Variants in TUBGCP3 observed in about 807,000 individuals in gnomAD.
The protein encoded by TUBGCP3 is tubulin gamma complex component 3, also known as gamma-tubulin complex component 3.
Under a neutral mutation model 123.1 loss-of-function variants are expected in TUBGCP3, and 50 were observed. That is an observed-to-expected ratio of 0.41 (90% CI 0.32 to 0.51). The LOEUF (loss-of-function observed/expected upper bound fraction) is 0.51, where lower values mean the gene tolerates loss of function less well. Among genes scored for constraint, TUBGCP3 ranks in the 20% least tolerant of loss-of-function variants. The pLI, the probability that TUBGCP3 is intolerant of heterozygous loss-of-function variation, is 0.36. For synonymous variants in TUBGCP3, 405 were observed against 413.9 expected (o/e 0.98, Z 0.26); for missense variants, 882 against 1,127.0 (o/e 0.78, Z 3.11).
chr13:112,516,622 TC>T, intron 16 of TUBGCP3, 47 bp from the exon 17 acceptor site: 1 of 1,598,186 alleles, frequency 6.3e-7, no homozygotes, highest in Non-Finnish European at 8.5e-7. Context: ...CACGTAAGAA[TC>T]CTCTCAGTAC....
intron 7 of TUBGCP3, 133 bp from the exon 8 acceptor site, chr13:112,554,315 C>G (rs907030779): frequency 3.6e-6 from 4 of 1,097,576 alleles, no homozygotes; most frequent in Non-Finnish European, 5.1e-6. Context: ...AAACTAAGAT[C>G]CCATCACTAA....
rs1350826115 is a variant in TUBGCP3 at position 112,511,270 on chromosome 13, C to T, written c.2086+5170G>A. On this transcript the variant is annotated intron_variant, in intron 17 of 21. Transcript: ENST00000261965. This position sits in a 1 kb window ranked among gnomAD's most constrained non-coding sequence, Gnocchi z 4.1. ...ACAGGGCACTGCTGGCCCGCGGGCACCTGCCTTTCCTGGTAAGATAAAATC... is the reference window on the plus strand; with the variant it reads ...ACAGGGCACTGCTGGCCCGCGGGCATCTGCCTTTCCTGGTAAGATAAAATC... 6.6e-6 allele frequency among the ~76,000 whole-genome samples: 1 copy of T among 152,176 alleles called. No homozygotes were observed. The highest frequency in any genetic ancestry group is 1.5e-5 in the Non-Finnish European group (1 of 68,030).
intron 8 of TUBGCP3, among the ~76,000 whole-genome samples, chr13:112,551,078 G>A (rs1338796294): frequency 6.6e-6 from 1 of 151,864 alleles, no homozygotes; most frequent in Non-Finnish European, 1.5e-5. Flanking sequence ...CAGCCTGGGT[G>A]ACAGAGCGAG....
At chr13:112,544,261 G>A (rs1011579730) in intron 11 of TUBGCP3, among the ~76,000 whole-genome samples, 2 of 152,000 alleles carry the variant, frequency 1.3e-5, no homozygotes, top group African/African-American at 2.4e-5. Flanking sequence ...AGACCATCCT[G>A]GCTAACACAG....
intron 11 of TUBGCP3, among the ~76,000 whole-genome samples, chr13:112,537,770 A>C (rs1447000761): frequency 6.6e-6 from 1 of 152,200 alleles, no homozygotes; most frequent in Non-Finnish European, 1.5e-5. Flanking sequence ...CGGCTCCTGC[A>C]CTTTTCTTTG....
intron 1 of TUBGCP3, among the ~76,000 whole-genome samples, chr13:112,578,007 G>A (rs571984897): frequency 3.3e-5 from 5 of 152,298 alleles, no homozygotes; most frequent in African/African-American, 7.2e-5. Context: ...AGAAGCTGAG[G>A]CAGGGCTTGC....
chr13:112,534,799 A>C (rs928793877), intron 11 of TUBGCP3, among the ~76,000 whole-genome samples: 10 of 152,162 alleles, frequency 6.6e-5, no homozygotes, highest in Non-Finnish European at 1.2e-4. Context: ...ACATAATATA[A>C]AAGTCACCAT....
intron 1 of TUBGCP3, among the ~76,000 whole-genome samples, chr13:112,578,410 T>A (rs372557460): frequency 1.3e-5 from 2 of 149,430 alleles, no homozygotes; most frequent in African/African-American, 5.0e-5. Context: ...ATACAAAAAA[T>A]TAGCCGGGCG....
chr13:112,544,670 T>A (rs1374826025), intron 11 of TUBGCP3: 2 of 151,908 alleles, frequency 1.3e-5, no homozygotes, highest in African/African-American at 4.8e-5. Flanking sequence ...TGTGAAATAA[T>A]ATGCAGTAAT....
At chr13:112,572,528 G>C (rs1022654619) in intron 1 of TUBGCP3, among the ~76,000 whole-genome samples, 1 of 151,810 alleles carries the variant, frequency 6.6e-6, no homozygotes, top group African/African-American at 2.4e-5. Context: ...TTGGTTTTCT[G>C]TTGATCACTA....
chr13:112,569,324 T>C, intron 1 of TUBGCP3, 65 bp from the exon 2 acceptor site: 1 of 1,501,648 alleles, frequency 6.7e-7, no homozygotes, highest in South Asian at 1.1e-5. Flanking sequence ...ACCTGAAGCT[T>C]CCAGTTCAAG....
chr13:112,578,513 A>G (rs1026033587), intron 1 of TUBGCP3, among the ~76,000 whole-genome samples: 4 of 129,086 alleles, frequency 3.1e-5, no homozygotes, highest in African/African-American at 1.2e-4. Context: ...GAGCCGGGAT[A>G]GCGCCACTGC....
chr13:112,544,181 C>A (rs192325161), intron 11 of TUBGCP3, among the ~76,000 whole-genome samples: 1 of 151,960 alleles, frequency 6.6e-6, no homozygotes, highest in African/African-American at 2.4e-5. Flanking sequence ...AGGCCGGGCG[C>A]AGTGGCTCAC....
At chr13:112,515,171 T>C (rs1201637457) in intron 17 of TUBGCP3, among the ~76,000 whole-genome samples, 6 of 152,126 alleles carry the variant, frequency 3.9e-5, no homozygotes, top group Non-Finnish European at 7.3e-5. Context: ...GAAGAGCAAA[T>C]TGATACAGAC....
intron 1 of TUBGCP3, chr13:112,584,134 T>C (rs1212815045): frequency 6.6e-6 from 1 of 152,254 alleles, no homozygotes; most frequent in East Asian, 1.9e-4. Context: ...GCGATTCCAA[T>C]GCATGGCTCT....
At chr13:112,551,239 C>T (rs974412830) in intron 8 of TUBGCP3, among the ~76,000 whole-genome samples, 2 of 152,228 alleles carry the variant, frequency 1.3e-5, no homozygotes, top group Admixed American at 1.3e-4. Flanking sequence ...GCAGGCAGAG[C>T]GCGGCAGCGC....
chr13:112,555,965 G>A, intron 6 of TUBGCP3, 87 bp downstream of exon 6: 1 of 1,406,602 alleles, frequency 7.1e-7, no homozygotes, highest in Non-Finnish European at 9.6e-7. Flanking sequence ...GGTTTGAGGT[G>A]GGGCTCCTGG....
Position 112,524,525 on chromosome 13 carries a change from G to A in TUBGCP3, c.1556-2016C>T, listed in dbSNP as rs989192587. Among the ~76,000 whole-genome samples, 2 of 152,202 alleles carry A rather than the reference G, an allele frequency of 1.3e-5. No homozygotes were observed. The highest frequency in any genetic ancestry group is 2.9e-5 in the Non-Finnish European group (2 of 68,040). On this transcript the variant is annotated intron_variant, in intron 13 of 21. Transcript: ENST00000261965. This position sits in a 1 kb window ranked among gnomAD's most constrained non-coding sequence, Gnocchi z 4.4. ...CAACTCGAACACAACTGCTCTCCTG[G>A]TTCTTCTTCCTTCCACCTCTTCAGT...
At chr13:112,516,805 T>G (rs1876172055) in intron 16 of TUBGCP3, among the ~76,000 whole-genome samples, 1 of 152,158 alleles carries the variant, frequency 6.6e-6, no homozygotes. Context: ...TCAATCCATT[T>G]TAGACTAGTC....
Sources: allele counts gnomAD v4.1 joint callset (sites outside exome capture counted in the v4.1 genomes callset), GRCh38; gene constraint gnomAD v4.1.1; non-coding constraint Gnocchi (gnomAD v3.1); transcripts MANE v1.5; gene names NCBI Gene and HGNC (gene_info 2026-07-23, HGNC 2026-07-21).